PARD3: variants seen among roughly 807,000 people sequenced by gnomAD.
The protein encoded by PARD3 is par-3 family cell polarity regulator.
PARD3 carries 75 observed loss-of-function variants against 155.4 expected under a neutral mutation model. The ratio of observed to expected loss-of-function variants is 0.48; its 90% confidence interval spans 0.40 to 0.58. The LOEUF (loss-of-function observed/expected upper bound fraction) is 0.58. Among genes scored for constraint, PARD3 ranks in the 20% least tolerant of loss-of-function variants. The pLI is 0.00. For missense variants in PARD3, 1,642 were observed against 1,721.7 expected (o/e 0.95, Z 0.82); for synonymous variants, 576 against 610.5 (o/e 0.94, Z 0.83).
chr10:34,404,893 G>A (rs1844275038), intron 5 of PARD3, among the ~76,000 whole-genome samples: 1 of 152,080 alleles, frequency 6.6e-6, no homozygotes, highest in Non-Finnish European at 1.5e-5. Flanking sequence ...AGACCAGCCT[G>A]GGCAACGTAG....
At chr10:34,331,067 G>T in intron 19 of PARD3, 50 bp downstream of exon 19, 1 of 1,467,970 alleles carries the variant, frequency 6.8e-7, no homozygotes, top group Non-Finnish European at 9.5e-7. Context: ...CTCACTTTAA[G>T]AAATAGAGTC....
intron 19 of PARD3, among the ~76,000 whole-genome samples, chr10:34,329,643 G>C (rs1347214178): frequency 6.6e-6 from 1 of 152,064 alleles, no homozygotes; most frequent in African/African-American, 2.4e-5. Flanking sequence ...GGCTGCAACT[G>C]GGTCTGGAGA....
rs147747008 is a variant in PARD3 at position 34,111,142 on chromosome 10, G to A, written c.*27C>T. On this transcript the variant is annotated 3_prime_UTR_variant, in exon 25 of 25. Coordinates refer to ENST00000374788, the MANE Select transcript of PARD3 (RefSeq NM_001184785.2). Reference sequence around the variant, plus strand: ...CATAGGAAAATGTCTTTTATTGCGCGACATGAAGCATCCGTTATTTGCGTG... The same window carrying A: ...CATAGGAAAATGTCTTTTATTGCGCAACATGAAGCATCCGTTATTTGCGTG... The A allele has an allele frequency of 2.9e-4, 436 of 1,517,086 alleles. 3 individuals are homozygous for A. In the African/African-American group the frequency reaches 3.9e-3, roughly 13 times the overall value. The allele number at this position is 1,517,086 out of a possible 1,614,324, so 94.0% of individuals were successfully genotyped here. A position where few individuals can be genotyped will look rare whatever the true frequency, so the allele number is the denominator to read the frequency against.
intron 2 of PARD3, among the ~76,000 whole-genome samples, chr10:34,655,774 G>C (rs2093150951): frequency 6.6e-6 from 1 of 152,084 alleles, no homozygotes; most frequent in African/African-American, 2.4e-5. Flanking sequence ...GGAGCCAATG[G>C]GTCCATCTTA....
At chr10:34,629,210 C>T (rs376935779) in intron 2 of PARD3, among the ~76,000 whole-genome samples, 6 of 152,114 alleles carry the variant, frequency 3.9e-5, no homozygotes, top group African/African-American at 1.2e-4. Flanking sequence ...TTTACTGCCC[C>T]GGACTCTCAT....
At chr10:34,295,569 G>T (rs747773328) in intron 20 of PARD3, among the ~76,000 whole-genome samples, 1 of 152,144 alleles carries the variant, frequency 6.6e-6, no homozygotes, top group Admixed American at 6.5e-5. Context: ...TGAAGGCAAT[G>T]CTTCATCATT....
chr10:34,368,839 TAA>T (rs71033310), intron 12 of PARD3, among the ~76,000 whole-genome samples: 19 of 108,588 alleles, frequency 1.7e-4, no homozygotes, highest in East Asian at 2.7e-4. Flanking sequence ...ATGAGCAATG[TAA>T]AAAAAAAAAA....
chr10:34,622,972 T>G (rs1270272124), intron 2 of PARD3, among the ~76,000 whole-genome samples: 1 of 151,952 alleles, frequency 6.6e-6, no homozygotes, highest in Admixed American at 6.6e-5. Context: ...TCCTGACAAA[T>G]GGACTGTGGT....
At chr10:34,284,332 G>T in intron 20 of PARD3, 87 bp from the exon 21 acceptor site, 1 of 733,166 alleles carries the variant, frequency 1.4e-6, no homozygotes, top group South Asian at 1.8e-5. Flanking sequence ...CCAATGAAAT[G>T]AATGTTAGCT....
chr10:34,476,340 C>A (rs554727979), intron 3 of PARD3, among the ~76,000 whole-genome samples: 2 of 152,134 alleles, frequency 1.3e-5, no homozygotes, highest in Admixed American at 6.6e-5. Context: ...TTTGGTGCCA[C>A]CGTCTTGATT....
chr10:34,790,946 A>T (rs10764006), intron 1 of PARD3, among the ~76,000 whole-genome samples: 119,009 of 152,196 alleles, frequency 0.78, 47,709 homozygotes, highest in African/African-American at 0.95. Context: ...TGCACAGGGA[A>T]GCGCATGCGT....
intron 22 of PARD3, among the ~76,000 whole-genome samples, chr10:34,193,485 G>C (rs532427413): frequency 1.3e-5 from 2 of 152,088 alleles, no homozygotes; most frequent in African/African-American, 2.4e-5. Context: ...GATGAAAAAG[G>C]CTCCAAACTT....
chr10:34,811,389 A>G (rs1389071346), intron 1 of PARD3, among the ~76,000 whole-genome samples: 1 of 152,142 alleles, frequency 6.6e-6, no homozygotes, highest in Admixed American at 6.5e-5. Context: ...CATTCTGCAG[A>G]TTCACACACC....
At chr10:34,417,152 C>T (rs190513075) in intron 5 of PARD3, among the ~76,000 whole-genome samples, 2 of 151,532 alleles carry the variant, frequency 1.3e-5, no homozygotes, top group Admixed American at 1.3e-4. Flanking sequence ...AAGCTTCAAG[C>T]CTTTGGGGAG....
chr10:34,768,575 G>C (rs540333893), intron 1 of PARD3, among the ~76,000 whole-genome samples: 1 of 152,188 alleles, frequency 6.6e-6, no homozygotes, highest in Non-Finnish European at 1.5e-5. Context: ...TAGAATGGGC[G>C]GCAGGTTTGC....
At chr10:34,636,893 C>A (rs2092497538) in intron 2 of PARD3, among the ~76,000 whole-genome samples, 1 of 152,198 alleles carries the variant, frequency 6.6e-6, no homozygotes, top group African/African-American at 2.4e-5. Context: ...TTGTGCAGTT[C>A]CTCCTAGCAT....
intron 4 of PARD3, among the ~76,000 whole-genome samples, chr10:34,460,990 G>T (rs2077614955): frequency 6.6e-6 from 1 of 152,114 alleles, no homozygotes; most frequent in Admixed American, 6.5e-5. Flanking sequence ...TATCATTAGT[G>T]AAAATATTAA....
chr10:34,645,423 C>G (rs1305332843), intron 2 of PARD3, among the ~76,000 whole-genome samples: 2 of 152,062 alleles, frequency 1.3e-5, no homozygotes, highest in Non-Finnish European at 2.9e-5. Context: ...CCAGGCTGGT[C>G]TCGAACTCCT....
At chr10:34,803,835 T>A (rs12243180) in intron 1 of PARD3, among the ~76,000 whole-genome samples, 53,668 of 151,884 alleles carry the variant, frequency 0.35, 10,631 homozygotes, top group African/African-American at 0.55. Context: ...AAAATAACAA[T>A]AATCAAGTTC....
Sources: allele counts gnomAD v4.1 joint callset (sites outside exome capture counted in the v4.1 genomes callset), GRCh38; gene constraint gnomAD v4.1.1; transcripts MANE v1.5; gene names NCBI Gene and HGNC (gene_info 2026-07-23, HGNC 2026-07-21).